Variants in PRH1 observed in about 807,000 individuals in gnomAD.
PRH1 encodes proline rich protein HaeIII subfamily 1.
A neutral mutation model predicts 7.9 loss-of-function variants in PRH1; 7 were observed. That is an observed-to-expected ratio of 0.89 (90% CI 0.50 to 1.67). PRH1 has a LOEUF of 1.67. Among genes scored for constraint, PRH1 ranks in the 40% most tolerant of loss-of-function variants. The pLI is 0.00. For synonymous variants in PRH1, 45 were observed against 80.8 expected (o/e 0.56, Z 2.38); for missense variants, 109 against 223.6 (o/e 0.49, Z 3.27).
At chr12:11,122,668 TTTC>T (rs995208402) in intron 1 of PRH1, among the ~76,000 whole-genome samples, 2 of 152,258 alleles carry the variant, frequency 1.3e-5, no homozygotes, top group African/African-American at 4.8e-5. Flanking sequence ...AATCAGAAAG[TTTC>T]TTCTTAAAAT....
At chr12:11,146,544 A>G (rs1428990117) in intron 1 of PRH1, among the ~76,000 whole-genome samples, 1 of 152,162 alleles carries the variant, frequency 6.6e-6, no homozygotes, top group African/African-American at 2.4e-5. Context: ...CTAGAGTCAG[A>G]CAGCTAACTT....
At chr12:10,943,274 A>G (rs750390297) in intron 2 of PRH1, among the ~76,000 whole-genome samples, 2 of 152,108 alleles carry the variant, frequency 1.3e-5, no homozygotes, top group Non-Finnish European at 2.9e-5. Flanking sequence ...AGCCATTCTG[A>G]CTGGTGTGAG....
intron 2 of PRH1, among the ~76,000 whole-genome samples, chr12:10,898,218 G>A (rs1949676033): frequency 6.6e-6 from 1 of 152,150 alleles, no homozygotes; most frequent in Admixed American, 6.5e-5. Context: ...TGCAACTGCT[G>A]CATTTCCCTC....
chr12:11,073,181 G>C lies in PRH1; in HGVS notation n.124-25993C>G, dbSNP rs1462394800. Among the ~76,000 whole-genome samples the C allele has an allele frequency of 1.2e-4, 14 of 118,940 alleles. 4 individuals are homozygous for C. Among genetic ancestry groups the C allele is most frequent in the African/African-American group, 4.0e-4 (14 of 35,316 alleles). 78.0% of individuals were successfully genotyped at this position (118,940 alleles called of 152,430 possible). ...GAGTCTTGCTCTGTTGCCCAGGCTA[G>C]AGTGCACTGGTGCCATCTCGGCTCA... On this transcript the variant is annotated intron_variant and non_coding_transcript_variant, in intron 1 of 4. Coordinates refer to the PRH1 transcript ENST00000541977.
chr12:10,938,823 C>T (rs1292000653), intron 2 of PRH1: 3 of 1,613,418 alleles, frequency 1.9e-6, no homozygotes, highest in East Asian at 2.2e-5. Flanking sequence ...ACCAAAACCA[C>T]CTTTTTAACC....
chr12:10,928,008 AATAAAG>A (rs2135860350), intron 2 of PRH1, among the ~76,000 whole-genome samples: 1 of 152,342 alleles, frequency 6.6e-6, no homozygotes, highest in African/African-American at 2.4e-5. Context: ...CAAAAATGAA[AATAAAG>A]ATAGTGAGGA....
At chr12:11,068,447 CT>C (rs1379393575) in intron 1 of PRH1, among the ~76,000 whole-genome samples, 1 of 152,150 alleles carries the variant, frequency 6.6e-6, no homozygotes, top group African/African-American at 2.4e-5. Flanking sequence ...GTAAACATGT[CT>C]GTCTAGTTCA....
rs141483763 is a variant in PRH1 at position 11,146,851 on chromosome 12, T to C, written n.39+24571A>G. On this transcript the variant is annotated intron_variant and non_coding_transcript_variant, in intron 1 of 1. Coordinates refer to the PRH1 transcript ENST00000541175. ...CTAATTTCTAATGATAATCTTATTATAAGACAAATTACATGTGCACAAAAA... is the reference window on the plus strand; with the variant it reads ...CTAATTTCTAATGATAATCTTATTACAAGACAAATTACATGTGCACAAAAA... Among the ~76,000 whole-genome samples the C allele has an allele frequency of 2.6e-4, 40 of 152,314 alleles. 1 individual carries two copies. In the East Asian group the frequency reaches 7.5e-3, roughly 29 times the overall value.
intron 1 of PRH1, among the ~76,000 whole-genome samples, chr12:11,011,732 A>G (rs981763430): frequency 6.6e-6 from 1 of 152,108 alleles, no homozygotes; most frequent in African/African-American, 2.4e-5. Flanking sequence ...AAAGACTCCA[A>G]GGTTTTCTTG....
At chr12:10,909,515 T>C (rs888185885) in intron 2 of PRH1, 1 of 483,264 alleles carries the variant, frequency 2.1e-6, no homozygotes, top group Admixed American at 3.7e-5. Flanking sequence ...TTCTTCAATT[T>C]CTCTGCTGAG....
At chr12:11,132,073 A>T (rs1457478684) in intron 1 of PRH1, among the ~76,000 whole-genome samples, 1 of 152,230 alleles carries the variant, frequency 6.6e-6, no homozygotes, top group Non-Finnish European at 1.5e-5. Context: ...TTAAGGTCTG[A>T]ACAACATTGT....
chr12:11,011,576 T>C (rs968149827), intron 1 of PRH1, among the ~76,000 whole-genome samples: 2 of 152,166 alleles, frequency 1.3e-5, no homozygotes, highest in African/African-American at 4.8e-5. Context: ...TCAGTTGTTA[T>C]GGAAATTTTA....
At chr12:11,011,520 A>T (rs1431386236) in intron 1 of PRH1, among the ~76,000 whole-genome samples, 1 of 152,126 alleles carries the variant, frequency 6.6e-6, no homozygotes, top group African/African-American at 2.4e-5. Context: ...ATTGTTTTGC[A>T]ATATTTTTCC....
At chr12:11,029,640 C>T (rs1457433603) in intron 1 of PRH1, among the ~76,000 whole-genome samples, 1 of 51,692 alleles carries the variant, frequency 1.9e-5, no homozygotes, top group African/African-American at 4.0e-5. Flanking sequence ...ACTGCATATG[C>T]ATAACTGATG....
At chr12:10,994,822 G>A (rs1324842061) in intron 1 of PRH1, among the ~76,000 whole-genome samples, 1 of 152,002 alleles carries the variant, frequency 6.6e-6, no homozygotes, top group Non-Finnish European at 1.5e-5. Context: ...TGTCATTTTT[G>A]TTTATATAAT....
intron 1 of PRH1, among the ~76,000 whole-genome samples, chr12:11,075,895 A>G (rs1565626976): frequency 9.1e-6 from 1 of 110,002 alleles, no homozygotes; most frequent in Non-Finnish European, 2.1e-5. Context: ...GTGTTCATTA[A>G]CGTATCATTT....
intron 2 of PRH1, among the ~76,000 whole-genome samples, chr12:10,942,860 G>C (rs1249721301): frequency 6.6e-6 from 1 of 152,124 alleles, no homozygotes; most frequent in Admixed American, 6.5e-5. Context: ...AGGACCCAGC[G>C]AGCTCACAGG....
At chr12:10,922,707 C>G (rs1950063189) in intron 2 of PRH1, among the ~76,000 whole-genome samples, 1 of 150,262 alleles carries the variant, frequency 6.7e-6, no homozygotes, top group Non-Finnish European at 1.5e-5. Context: ...GTCTTACATT[C>G]TTATTATTTG....
At chr12:10,975,578 C>A (rs1266247574) in intron 1 of PRH1, among the ~76,000 whole-genome samples, 1 of 152,024 alleles carries the variant, frequency 6.6e-6, no homozygotes, top group East Asian at 1.9e-4. Flanking sequence ...TCAACACTAA[C>A]CTCGAATGTA....
Sources: gnomAD v4.1 joint callset for allele counts (sites outside exome capture counted in the v4.1 genomes callset) on GRCh38, gnomAD v4.1.1 for gene constraint, MANE v1.5 for transcripts, NCBI Gene and HGNC (gene_info 2026-07-23, HGNC 2026-07-21) for gene names.